The following ZNF385D variants were observed in gnomAD, a reference collection of about 807,000 sequenced individuals.
ZNF385D encodes the protein zinc finger protein 659.
ZNF385D carries 15 observed loss-of-function variants against 35.8 expected under a neutral mutation model. The ratio of observed to expected loss-of-function variants is 0.42; its 90% CI spans 0.28 to 0.64. ZNF385D has a LOEUF of 0.64. Among genes scored for constraint, ZNF385D ranks in the 30% least tolerant of loss-of-function variants. The pLI is 0.23. For missense variants in ZNF385D, 474 were observed against 494.6 expected (o/e 0.96, Z 0.39); for synonymous variants, 212 against 186.8 (o/e 1.13, Z -1.10).
At chr3:21,817,342 A>G (rs531989959) in intron 3 of ZNF385D, among the ~76,000 whole-genome samples, 1 of 152,342 alleles carries the variant, frequency 6.6e-6, no homozygotes, top group South Asian at 2.1e-4. Flanking sequence ...ATGGGATCTA[A>G]TTAAATAAAG....
chr3:22,184,943 A>AT lies in ZNF385D; in HGVS notation c.107-15909dup, dbSNP rs972502086. ...GTCACTTGGCCATTTTTTTAATCTT[A>AT]TTTTTTTTTTAAATCCTGCCTTGTC... On this transcript the variant is annotated intron_variant, in intron 2 of 5. Transcript: ENST00000494108. Among the ~76,000 whole-genome samples, 250 of 149,804 alleles carry AT rather than the reference A, an allele frequency of 1.7e-3. 2 individuals carry two copies. The highest frequency in any genetic ancestry group is 5.5e-3 in the African/African-American group (226 of 40,934).
intron 2 of ZNF385D, among the ~76,000 whole-genome samples, chr3:21,659,658 C>A (rs1170630683): frequency 6.6e-6 from 1 of 152,070 alleles, no homozygotes; most frequent in East Asian, 1.9e-4. Flanking sequence ...TCCCAACACC[C>A]CACCACACAA....
At chr3:21,889,939 G>A (rs138075110) in intron 3 of ZNF385D, among the ~76,000 whole-genome samples, 3 of 152,050 alleles carry the variant, frequency 2.0e-5, no homozygotes, top group East Asian at 3.9e-4. Flanking sequence ...TAGCATCTCT[G>A]TGTGTGCCTG....
chr3:21,937,403 T>C (rs1394773364), intron 3 of ZNF385D, among the ~76,000 whole-genome samples: 2 of 152,128 alleles, frequency 1.3e-5, no homozygotes, highest in Non-Finnish European at 2.9e-5. Flanking sequence ...GCCACTGTAA[T>C]TGAGTTCACC....
At chr3:21,559,734 G>C (rs1422537640) in intron 3 of ZNF385D, among the ~76,000 whole-genome samples, 1 of 152,142 alleles carries the variant, frequency 6.6e-6, no homozygotes, top group Non-Finnish European at 1.5e-5. Flanking sequence ...AAGTTCTCCT[G>C]GATAATATTC....
chr3:22,339,115 T>C (rs1477289828), intron 2 of ZNF385D, among the ~76,000 whole-genome samples: 3 of 152,232 alleles, frequency 2.0e-5, no homozygotes, highest in Non-Finnish European at 4.4e-5. Context: ...TTTATATGCA[T>C]GTTTTAAAGC....
chr3:21,982,992 G>A lies in ZNF385D; in HGVS notation c.325+185825C>T, dbSNP rs923436009. The stretch of plus-strand genomic sequence containing the variant: ...TGATGTGCTGCTGAATTTGGTTTGC[G>A]AGTATTTTGCTGAAGATTTTTACAT... On this transcript the variant is annotated intron_variant, in intron 3 of 5. Coordinates refer to the ZNF385D transcript ENST00000494108. 5.9e-5 allele frequency among the ~76,000 whole-genome samples: 9 copies of A among 151,896 alleles called. No homozygotes were observed. The South Asian group carries it at 6.2e-4, about 11-fold the overall frequency.
At chr3:21,570,784 A>G (rs987773119) in intron 2 of ZNF385D, among the ~76,000 whole-genome samples, 2 of 152,172 alleles carry the variant, frequency 1.3e-5, no homozygotes, top group East Asian at 3.9e-4. Context: ...CTCAGGCACC[A>G]TAATCAAGCT....
chr3:22,156,095 CATAAT>C lies in ZNF385D; in HGVS notation c.325+12717_325+12721del, dbSNP rs543952309. On this transcript the variant is annotated intron_variant, in intron 3 of 5. Transcript: ENST00000494108. ...TTGTATGGGAAAAGAATAAAGGAGA[CATAAT>C]AGAATACTTGGCATTAACACATTCC... Among the ~76,000 whole-genome samples the C allele has an allele frequency of 3.1e-3, 465 of 152,034 alleles. 3 individuals are homozygous for C. Among genetic ancestry groups the C allele is most frequent in the African/African-American group, 0.01 (435 of 41,488 alleles).
intron 2 of ZNF385D, among the ~76,000 whole-genome samples, chr3:22,205,879 C>T (rs1697116332): frequency 6.6e-6 from 1 of 151,884 alleles, no homozygotes; most frequent in South Asian, 2.1e-4. Context: ...AAATAAATAG[C>T]CAAATGGCGG....
At chr3:21,560,726 C>G (rs1282669665) in intron 3 of ZNF385D, among the ~76,000 whole-genome samples, 4 of 152,220 alleles carry the variant, frequency 2.6e-5, no homozygotes, top group Admixed American at 2.6e-4. Context: ...ACATTTACAT[C>G]TGCTGAAGCT....
intron 2 of ZNF385D, among the ~76,000 whole-genome samples, chr3:21,587,480 G>C (rs947115215): frequency 6.6e-6 from 1 of 152,166 alleles, no homozygotes; most frequent in African/African-American, 2.4e-5. Context: ...TGAATGAATA[G>C]TGACAACACA....
chr3:22,237,902 A>C (rs544311863), intron 2 of ZNF385D, among the ~76,000 whole-genome samples: 1 of 150,918 alleles, frequency 6.6e-6, no homozygotes, highest in East Asian at 2.0e-4. Context: ...ACAACCTCCC[A>C]AAGTGCTGGC....
At chr3:21,819,778 CAT>C (rs2125730648) in intron 3 of ZNF385D, among the ~76,000 whole-genome samples, 1 of 44,494 alleles carries the variant, frequency 2.2e-5, no homozygotes, top group East Asian at 3.5e-4. Flanking sequence ...AATTAATACA[CAT>C]AAATATAATA....
At chr3:21,844,009 TCA>T (rs1695843047) in intron 3 of ZNF385D, among the ~76,000 whole-genome samples, 1 of 151,948 alleles carries the variant, frequency 6.6e-6, no homozygotes, top group African/African-American at 2.4e-5. Flanking sequence ...AAGTAATGCG[TCA>T]CACAAAAAGT....
intron 2 of ZNF385D, among the ~76,000 whole-genome samples, chr3:22,331,104 T>C (rs989437066): frequency 4.6e-5 from 7 of 152,260 alleles, no homozygotes; most frequent in African/African-American, 1.7e-4. Flanking sequence ...TCCTCTGTTC[T>C]AAATTTACCA....
chr3:21,705,737 C>G (rs987060248), intron 1 of ZNF385D, among the ~76,000 whole-genome samples: 2 of 152,176 alleles, frequency 1.3e-5, no homozygotes, highest in African/African-American at 4.8e-5. Context: ...TTCCACCACC[C>G]CCAAAATCCA....
chr3:22,262,777 T>C (rs552094447), intron 2 of ZNF385D, among the ~76,000 whole-genome samples: 3 of 151,880 alleles, frequency 2.0e-5, no homozygotes, highest in Admixed American at 6.6e-5. Flanking sequence ...AAAAAGATAA[T>C]TGAGGTAAAA....
intron 1 of ZNF385D, among the ~76,000 whole-genome samples, chr3:21,702,466 G>T (rs1020218432): frequency 3.3e-5 from 5 of 152,212 alleles, no homozygotes; most frequent in African/African-American, 1.2e-4. Flanking sequence ...GATGGGAGGG[G>T]CTGCTGTGAA....
Sources: gnomAD v4.1 joint callset for allele counts (sites outside exome capture counted in the v4.1 genomes callset) on GRCh38, gnomAD v4.1.1 for gene constraint, MANE v1.5 for transcripts, NCBI Gene and HGNC (gene_info 2026-07-23, HGNC 2026-07-21) for gene names.